The following PEF1 variants were observed in gnomAD, a reference collection of about 807,000 sequenced individuals.
PEF1 encodes penta-EF-hand domain containing 1.
A neutral mutation model predicts 32.0 loss-of-function variants in PEF1; 17 were observed. The observed-to-expected ratio is 0.53, with a 90% CI of 0.36 to 0.80. The LOEUF (loss-of-function observed/expected upper bound fraction) is 0.80. Ranked by LOEUF, PEF1 falls within the 30% of genes least tolerant of loss-of-function variation. The pLI, the probability that PEF1 is intolerant of heterozygous loss-of-function variation, is 0.00. For synonymous variants in PEF1, 130 were observed against 139.8 expected (o/e 0.93, Z 0.50); for missense variants, 362 against 369.1 (o/e 0.98, Z 0.16).
At position 31,633,023 on chromosome 1, in the gene PEF1, A is replaced by C. The variant is rs566200256; in HGVS notation, c.481+136T>G. ...CTCAGTCTAGGGGATCTCACCCTGA[A>C]CCTAGCTTCCTCCCCACAGTCCTCC... On this transcript the variant is annotated intron_variant, in intron 3 of 4. Transcript: ENST00000373703. 6.1e-5 allele frequency: 65 copies of C among 1,067,432 alleles called. 1 individual carries two copies. In the African/African-American group the frequency reaches 9.9e-4, roughly 16 times the overall value. The allele number at this position is 1,067,432 out of a possible 1,614,324, so 66.1% of individuals were successfully genotyped here. A position where few individuals can be genotyped will look rare whatever the true frequency, so the allele number is the denominator to read the frequency against.
chr1:31,631,286 T>C (rs549071684), intron 4 of PEF1, among the ~76,000 whole-genome samples: 1 of 152,318 alleles, frequency 6.6e-6, no homozygotes, highest in African/African-American at 2.4e-5. Context: ...ATCCCTATCT[T>C]ATCATCTCTA....
At chr1:31,633,953 C>T (rs1216904111) in intron 2 of PEF1, among the ~76,000 whole-genome samples, 3 of 147,808 alleles carry the variant, frequency 2.0e-5, no homozygotes, top group African/African-American at 7.5e-5. Flanking sequence ...GAAACTCCAT[C>T]TCAAAAAAAA....
intron 1 of PEF1, among the ~76,000 whole-genome samples, chr1:31,642,401 C>T (rs1353705016): frequency 1.3e-5 from 2 of 152,180 alleles, no homozygotes; most frequent in Non-Finnish European, 2.9e-5. Flanking sequence ...CTCGTTCCCC[C>T]ATAGGACCAA....
In PEF1 at chr1:31,635,464, C is replaced by T; in HGVS notation, c.83G>A (p.Gly28Glu). Residue 28 changes from glycine to glutamate, a missense_variant, in exon 2 of 5, where the codon GGA (glycine) becomes GAA (glutamate). By Grantham distance (98) the Gly-to-Glu change is moderately conservative. Coordinates refer to ENST00000373703, the MANE Select transcript of PEF1 (RefSeq NM_012392.4). ...PGAPPGSYYP[G>E]PPNSGGQYGS... ...ATACTGCCCTCCACTATTGGGGGGT[C>T]CAGGGTAGTAGCTACCCGGAGGGGC... 6.3e-7 allele frequency: 1 copy of T among 1,575,274 alleles called. No homozygotes were observed. The highest frequency in any genetic ancestry group is 8.6e-7 in the Non-Finnish European group (1 of 1,158,654).
At chr1:31,636,205 G>C (rs1403131257) in intron 1 of PEF1, among the ~76,000 whole-genome samples, 1 of 152,210 alleles carries the variant, frequency 6.6e-6, no homozygotes, top group African/African-American at 2.4e-5. Flanking sequence ...GGAAGTCTGA[G>C]GCGGGCAGAC....
At chr1:31,631,008 C>G (rs1166673689) in intron 4 of PEF1, among the ~76,000 whole-genome samples, 166 bp from the exon 5 acceptor site, 1 of 152,222 alleles carries the variant, frequency 6.6e-6, no homozygotes, top group Non-Finnish European at 1.5e-5. Context: ...GTCAGAAACA[C>G]AACAGGGACC....
At chr1:31,633,094 C>G (rs1165604144) in intron 3 of PEF1, 65 bp downstream of exon 3, 5 of 1,536,322 alleles carry the variant, frequency 3.3e-6, no homozygotes, top group Non-Finnish European at 4.4e-6. Context: ...CCCACCTACC[C>G]ACCTACTGTC....
At chr1:31,639,763 G>A (rs770545153) in intron 1 of PEF1, among the ~76,000 whole-genome samples, 2 of 152,194 alleles carry the variant, frequency 1.3e-5, no homozygotes, top group Non-Finnish European at 2.9e-5. Flanking sequence ...AGAGATGGAG[G>A]AGGAGTGAGG....
chr1:31,640,498 A>C (rs1371701021), intron 1 of PEF1, among the ~76,000 whole-genome samples: 1 of 152,172 alleles, frequency 6.6e-6, no homozygotes, highest in Non-Finnish European at 1.5e-5. Flanking sequence ...ACAGAGGTAG[A>C]GGGGAAGGCT....
At chr1:31,638,906 A>G (rs955780176) in intron 1 of PEF1, among the ~76,000 whole-genome samples, 1 of 152,232 alleles carries the variant, frequency 6.6e-6, no homozygotes, top group Non-Finnish European at 1.5e-5. Context: ...GACACAAGTA[A>G]ATGAAGTCCT....
At chr1:31,640,443 A>G (rs1640365307) in intron 1 of PEF1, among the ~76,000 whole-genome samples, 1 of 152,108 alleles carries the variant, frequency 6.6e-6, no homozygotes, top group Non-Finnish European at 1.5e-5. Flanking sequence ...TGTGTGAGGG[A>G]CTGTGCTAAA....
intron 1 of PEF1, chr1:31,644,460 G>T: frequency 8.7e-7 from 1 of 1,142,944 alleles, no homozygotes. Flanking sequence ...ATTTTTATCC[G>T]ACGCCCCAAA....
In PEF1 at chr1:31,633,216, C is replaced by T; in HGVS notation, c.424G>A (p.Ala142Thr). ...GAAGACCAATTGCAGTTGACCAGGG[C>T]CTGCTTTAGCTCCTTCATGGAGATA... ...GYISMKELKQALVNCNWSSFN... is the reference protein window; with the variant it reads ...GYISMKELKQTLVNCNWSSFN... Residue 142 changes from alanine (A) to threonine (T), a missense_variant, in exon 3 of 5, where the codon GCC becomes ACC. Physicochemically the swap from Ala to Thr is moderately conservative, Grantham distance 58 (BLOSUM62 0). Transcript: ENST00000373703. 6.2e-7 allele frequency: 1 copy of T among 1,614,072 alleles called. No homozygotes were observed. The highest frequency in any genetic ancestry group is 8.5e-7 in the Non-Finnish European group (1 of 1,180,002).
intron 1 of PEF1, among the ~76,000 whole-genome samples, chr1:31,639,638 T>A (rs542539629): frequency 6.6e-6 from 1 of 152,196 alleles, no homozygotes; most frequent in East Asian, 1.9e-4. Flanking sequence ...GCCCAGGTGC[T>A]GGGCAGGCAG....
intron 1 of PEF1, among the ~76,000 whole-genome samples, chr1:31,637,517 C>T (rs1303123173): frequency 6.6e-6 from 1 of 151,940 alleles, no homozygotes; most frequent in Admixed American, 6.6e-5. Flanking sequence ...CATGGTGGTA[C>T]ACATGTAGTC....
In PEF1 at chr1:31,630,732, C is replaced by A; in HGVS notation, c.736G>T (p.Val246Leu). ...PAMQLDRFIQ[V>L]CTQLQVLTEA... ...GTCAGCACCTGCAGCTGGGTGCACA[C>A]CTGGATGAAGCGGTCAAGCTGCATG... Residue 246 changes from valine to leucine, a missense_variant, in exon 5 of 5, where the codon GTG becomes TTG. Coordinates refer to ENST00000373703, the MANE Select transcript of PEF1 (RefSeq NM_012392.4). The A allele has an allele frequency of 6.2e-7, 1 of 1,614,170 alleles. No individual in the cohort carries two copies. The highest frequency in any genetic ancestry group is 8.5e-7 in the Non-Finnish European group (1 of 1,180,042).
intron 2 of PEF1, among the ~76,000 whole-genome samples, chr1:31,634,237 C>G (rs1640196690): frequency 6.6e-6 from 1 of 152,230 alleles, no homozygotes; most frequent in African/African-American, 2.4e-5. Context: ...GCAAGGGCCA[C>G]AGCCCCAGGG....
chr1:31,644,819 C>A (rs561656706), intron 1 of PEF1, 22 bp downstream of exon 1: 1 of 1,613,756 alleles, frequency 6.2e-7, no homozygotes, highest in Non-Finnish European at 8.5e-7. Context: ...TACCTGGATT[C>A]GCGGGCCCCT....
At chr1:31,640,698 C>T (rs1408544250) in intron 1 of PEF1, among the ~76,000 whole-genome samples, 3 of 152,178 alleles carry the variant, frequency 2.0e-5, no homozygotes, top group African/African-American at 7.2e-5. Flanking sequence ...GGAATCTCTA[C>T]CTGCACTTGC....
Sources: allele counts gnomAD v4.1 joint callset (sites outside exome capture counted in the v4.1 genomes callset), GRCh38; gene constraint gnomAD v4.1.1; transcripts MANE v1.5; gene names NCBI Gene and HGNC (gene_info 2026-07-23, HGNC 2026-07-21).